The following FGFR2 variants were observed in gnomAD, a reference collection of about 807,000 sequenced individuals.
The protein encoded by FGFR2 is BEK fibroblast growth factor receptor.
Under a neutral mutation model 95.9 loss-of-function variants are expected in FGFR2, and 19 were observed. That is an observed-to-expected ratio of 0.20 (90% confidence interval 0.14 to 0.29). The LOEUF (loss-of-function observed/expected upper bound fraction) is 0.29, where lower values mean the gene tolerates loss of function less well. FGFR2 is among the 10% of genes least tolerant of loss of function. FGFR2 has a pLI of 1.00. For missense variants in FGFR2, 707 were observed against 1,056.9 expected (o/e 0.67, Z 4.59); for synonymous variants, 392 against 393.3 (o/e 1.00, Z 0.04).
At chr10:121,597,646 G>T (rs2135537669) in intron 1 of FGFR2, among the ~76,000 whole-genome samples, 1 of 152,392 alleles carries the variant, frequency 6.6e-6, no homozygotes, top group African/African-American at 2.4e-5. Context: ...GTCTGCTCTG[G>T]GGTCGGAGAA....
chr10:121,487,584 G>A (rs2133828079), intron 14 of FGFR2, among the ~76,000 whole-genome samples, 160 bp from the exon 15 acceptor site: 1 of 152,362 alleles, frequency 6.6e-6, no homozygotes, highest in South Asian at 2.1e-4. Flanking sequence ...TGAACAATGT[G>A]TGAGATGCAC....
intron 6 of FGFR2, among the ~76,000 whole-genome samples, chr10:121,524,523 G>C (rs1414137857): frequency 2.6e-5 from 4 of 152,208 alleles, no homozygotes; most frequent in African/African-American, 7.2e-5. Context: ...GAGGAGGCCT[G>C]GACGTCTTGG....
At chr10:121,507,212 G>C (rs748881425) in intron 9 of FGFR2, among the ~76,000 whole-genome samples, 4 of 152,214 alleles carry the variant, frequency 2.6e-5, no homozygotes, top group African/African-American at 4.8e-5. Context: ...CAGGGTCCCT[G>C]TCCCAGTTTG....
intron 4 of FGFR2, among the ~76,000 whole-genome samples, chr10:121,560,773 C>A (rs1459559034): frequency 6.6e-6 from 1 of 152,116 alleles, no homozygotes; most frequent in Non-Finnish European, 1.5e-5. Context: ...ACGAACAAGA[C>A]CACTAACAGT....
intron 2 of FGFR2, among the ~76,000 whole-genome samples, chr10:121,582,786 C>CA (rs1017117071): frequency 1.3e-5 from 2 of 151,198 alleles, no homozygotes. Flanking sequence ...CTCTGTCTCA[C>CA]AAAAAAAGAA....
At chr10:121,588,778 T>A (rs1214909336) in intron 2 of FGFR2, among the ~76,000 whole-genome samples, 4 of 151,918 alleles carry the variant, frequency 2.6e-5, no homozygotes, top group Non-Finnish European at 4.4e-5. Context: ...AGGCCTGTAG[T>A]CCCAGCTACT....
intron 4 of FGFR2, among the ~76,000 whole-genome samples, chr10:121,553,491 T>C (rs1438204158): frequency 6.6e-6 from 1 of 152,134 alleles, no homozygotes; most frequent in East Asian, 1.9e-4. Flanking sequence ...GAAAAATCCA[T>C]CCACAGCCAC....
At position 121,587,779 on chromosome 10, in the gene FGFR2, T is replaced by G. The variant is rs747418542; in HGVS notation, c.109+5930A>C. Among the ~76,000 whole-genome samples the G allele has an allele frequency of 1.6e-4, 25 of 152,174 alleles. 2 individuals are homozygous for G. Among genetic ancestry groups the G allele is most frequent in the Admixed American group, 1.3e-3 (20 of 15,280 alleles). Reference sequence around the variant, plus strand: ...GAGATTGCAGAGAAAAGGAAACACTTATATACTGTTAGTAGGAGTGCAAAT... The same window carrying G: ...GAGATTGCAGAGAAAAGGAAACACTGATATACTGTTAGTAGGAGTGCAAAT... On this transcript the variant is annotated intron_variant, in intron 2 of 17. Coordinates refer to ENST00000358487, the MANE Select transcript of FGFR2 (RefSeq NM_000141.5).
In FGFR2 at chr10:121,520,858, G is replaced by A. The variant is rs536119289; in HGVS notation, c.749-689C>T. ...GGATTTCATCATGTTGCCTGGGCTG[G>A]TCTCAAACTCCTATGCTCAAGCGAT... On this transcript the variant is annotated intron_variant, in intron 6 of 17. Transcript: ENST00000358487. 1.1e-3 allele frequency among the ~76,000 whole-genome samples: 165 copies of A among 152,290 alleles called. 1 individual carries two copies. The highest frequency in any genetic ancestry group is 3.9e-3 in the African/African-American group (163 of 41,564).
At chr10:121,547,757 A>G (rs933353742) in intron 5 of FGFR2, among the ~76,000 whole-genome samples, 4 of 152,264 alleles carry the variant, frequency 2.6e-5, no homozygotes, top group East Asian at 3.9e-4. Context: ...ACCCAACACC[A>G]GGGACCATTC....
At chr10:121,564,030 C>G (rs1202766412) in intron 4 of FGFR2, among the ~76,000 whole-genome samples, 1 of 152,216 alleles carries the variant, frequency 6.6e-6, no homozygotes, top group African/African-American at 2.4e-5. Flanking sequence ...TCCCTGGCCC[C>G]TCCCCAGCTA....
intron 4 of FGFR2, among the ~76,000 whole-genome samples, 176 bp from the exon 5 acceptor site, chr10:121,551,635 CAGA>C (rs1485778915): frequency 6.6e-6 from 1 of 151,540 alleles, no homozygotes; most frequent in Admixed American, 6.6e-5. Context: ...GCTGGCTGAG[CAGA>C]AGGTCCCAGA....
chr10:121,546,550 A>G (rs915014682), intron 5 of FGFR2, among the ~76,000 whole-genome samples: 4 of 152,262 alleles, frequency 2.6e-5, no homozygotes, highest in Non-Finnish European at 5.9e-5. Flanking sequence ...TTTGATAAAC[A>G]AGACTGAACT....
chr10:121,527,590 CAA>C (rs1491159064), intron 6 of FGFR2: 3 of 152,028 alleles, frequency 2.0e-5, no homozygotes, highest in Admixed American at 6.6e-5. Flanking sequence ...TATTTTACCA[CAA>C]TTTTTTTTTA....
intron 9 of FGFR2, among the ~76,000 whole-genome samples, chr10:121,505,524 A>C (rs920498322): frequency 1.3e-5 from 2 of 152,210 alleles, no homozygotes; most frequent in Non-Finnish European, 2.9e-5. Flanking sequence ...TGTGGAGCTG[A>C]GATCCTCACA....
chr10:121,498,488 T>C lies in FGFR2; in HGVS notation c.1672+7A>G, dbSNP rs754223233. 1.9e-6 allele frequency: 3 copies of C among 1,566,136 alleles called. No individual in the cohort carries two copies. In the South Asian group the frequency reaches 3.3e-5, roughly 17 times the overall value. On this transcript the variant is annotated splice_region_variant and intron_variant, in intron 12 of 17. Transcript: ENST00000358487. ...TTTGGGCGAATGCAGTTTTTCCTCC[T>C]ACTCACCATCCTGTGTGCAGGCTCC...
rs2134260640 is a variant in FGFR2 at position 121,517,458 on chromosome 10, G to A, written c.945C>T (p.Ala315=). 6.2e-7 allele frequency: 1 copy of A among 1,614,082 alleles called. No homozygotes were observed. Among genetic ancestry groups the A allele is most frequent in the African/African-American group, 1.3e-5 (1 of 75,016 alleles). The change falls in exon 8 of 18, where the codon GCC becomes GCT. Residue 315 remains alanine, a synonymous_variant. Transcript: ENST00000358487. This position sits in a 1 kb window ranked among gnomAD's most constrained non-coding sequence, Gnocchi z 4.7. The part of the protein sequence containing the change: ...GLPYLKVLKA[A]GVNTTDKEIE... ...TCTCTTTGTCCGTGGTGTTAACACC[G>A]GCGGCCTAGAAAACAAGGGAAGCAA... is the stretch of plus-strand genomic sequence containing the variant.
Position 121,515,030 on chromosome 10 carries a change from C to T in FGFR2, c.1287+87G>A, listed in dbSNP as rs578222938. 6.6e-5 allele frequency: 84 copies of T among 1,267,672 alleles called. No individual in the cohort carries two copies. In the East Asian group the frequency reaches 1.7e-3, roughly 26 times the overall value. The allele number at this position is 1,267,672 out of a possible 1,614,324, so 78.5% of individuals were successfully genotyped here. On this transcript the variant is annotated intron_variant, in intron 9 of 17. Coordinates refer to ENST00000358487, the MANE Select transcript of FGFR2 (RefSeq NM_000141.5). ...CTCGCACATGGAAGCTCACAGAAGTCGATGGCATCAAAGCAGAGGACAAGA... is the reference window on the plus strand; with the variant it reads ...CTCGCACATGGAAGCTCACAGAAGTTGATGGCATCAAAGCAGAGGACAAGA...
intron 9 of FGFR2, among the ~76,000 whole-genome samples, chr10:121,511,496 C>T (rs988040742): frequency 3.9e-5 from 6 of 152,172 alleles, no homozygotes; most frequent in African/African-American, 1.4e-4. Context: ...TAATGCTGCC[C>T]CCTTTAACTC....
Sources: allele counts gnomAD v4.1 joint callset (sites outside exome capture counted in the v4.1 genomes callset), GRCh38; gene constraint gnomAD v4.1.1; non-coding constraint Gnocchi (gnomAD v3.1); transcripts MANE v1.5; gene names NCBI Gene and HGNC (gene_info 2026-07-23, HGNC 2026-07-21).